Variants in AFG2A observed in about 807,000 individuals in gnomAD.
The protein encoded by AFG2A is AAA ATPase AFG2A.
the AFG2A span, among the ~76,000 whole-genome samples, chr4:123,058,276 G>A: frequency 6.6e-6 from 1 of 152,198 alleles, no homozygotes; most frequent in Non-Finnish European, 1.5e-5. Flanking sequence ...CATCTCTTAG[G>A]TGGTGACAGG....
At chr4:123,033,887 G>T in the AFG2A span, among the ~76,000 whole-genome samples, 1 of 151,994 alleles carries the variant, frequency 6.6e-6, no homozygotes, top group Admixed American at 6.6e-5. Flanking sequence ...AAAGTTTTTG[G>T]GGGGCATAAC....
At chr4:123,218,251 T>C in the AFG2A span, among the ~76,000 whole-genome samples, 18 of 152,310 alleles carry the variant, frequency 1.2e-4, no homozygotes, top group Admixed American at 2.6e-4. Flanking sequence ...CTGGCTTATG[T>C]GCAGGCAAAA....
At chr4:123,001,171 T>C in the AFG2A span, among the ~76,000 whole-genome samples, 15 of 148,422 alleles carry the variant, frequency 1.0e-4, no homozygotes, top group Non-Finnish European at 1.5e-4. Context: ...CATTTTTTAT[T>C]GCGTTTATTT....
At chr4:123,285,549 A>G in the AFG2A span, among the ~76,000 whole-genome samples, 4 of 152,106 alleles carry the variant, frequency 2.6e-5, no homozygotes, top group African/African-American at 9.7e-5. Context: ...ATGAGAGTGT[A>G]CCTTAGTGTG....
the AFG2A span, among the ~76,000 whole-genome samples, chr4:123,137,162 A>T: frequency 6.6e-6 from 1 of 152,146 alleles, no homozygotes; most frequent in Non-Finnish European, 1.5e-5. Context: ...TCTGCTGCTC[A>T]CCTTCTGCTG....
chr4:122,999,068 G>A, the AFG2A span, among the ~76,000 whole-genome samples: 182 of 149,852 alleles, frequency 1.2e-3, no homozygotes, highest in African/African-American at 4.1e-3. Flanking sequence ...GCCAGTGATG[G>A]TGAGCATTTT....
the AFG2A span, among the ~76,000 whole-genome samples, chr4:123,043,494 A>G: frequency 6.6e-6 from 1 of 152,188 alleles, no homozygotes; most frequent in Non-Finnish European, 1.5e-5. Flanking sequence ...AATGGAATTA[A>G]AAGATAAAAA....
the AFG2A span, among the ~76,000 whole-genome samples, chr4:122,950,322 G>A: frequency 1.3e-5 from 2 of 150,958 alleles, no homozygotes; most frequent in African/African-American, 4.9e-5. Context: ...GGTAAAGTAC[G>A]AGCCCTAGTC....
At chr4:123,076,566 T>C in the AFG2A span, among the ~76,000 whole-genome samples, 1 of 151,580 alleles carries the variant, frequency 6.6e-6, no homozygotes, top group Admixed American at 6.6e-5. Context: ...TATTTGTTTT[T>C]TTTAGAGATG....
At chr4:123,051,805 T>C in the AFG2A span, among the ~76,000 whole-genome samples, 1 of 152,130 alleles carries the variant, frequency 6.6e-6, no homozygotes, top group Non-Finnish European at 1.5e-5. Context: ...AAAATTCTGC[T>C]GCCAAGTGTA....
chr4:123,114,700 GCT>G, the AFG2A span, among the ~76,000 whole-genome samples: 6 of 152,228 alleles, frequency 3.9e-5, no homozygotes, highest in Non-Finnish European at 7.3e-5. Context: ...TGCCTGGGGA[GCT>G]CTCACCCTAC....
chr4:123,314,741 TTTG>T, the AFG2A span: 2 of 144,148 alleles, frequency 1.4e-5, no homozygotes, highest in Non-Finnish European at 1.5e-5. Context: ...TTGGGTTTTT[TTTG>T]TTGTTGTTTT....
At chr4:123,137,823 G>T in the AFG2A span, among the ~76,000 whole-genome samples, 1 of 151,834 alleles carries the variant, frequency 6.6e-6, no homozygotes, top group Non-Finnish European at 1.5e-5. Context: ...TCATTTACTG[G>T]CATTTTAAAA....
chr4:123,067,317 G>C, the AFG2A span, among the ~76,000 whole-genome samples: 1 of 151,912 alleles, frequency 6.6e-6, no homozygotes, highest in Non-Finnish European at 1.5e-5. Context: ...AGGAGATCCA[G>C]ACCATCCTGG....
the AFG2A span, chr4:122,935,796 A>G: frequency 6.2e-7 from 1 of 1,613,154 alleles, no homozygotes; most frequent in Non-Finnish European, 8.5e-7. Flanking sequence ...TTGCTAATGA[A>G]GTTGGAGCCT....
At chr4:123,144,946 A>T in the AFG2A span, among the ~76,000 whole-genome samples, 2 of 152,064 alleles carry the variant, frequency 1.3e-5, no homozygotes, top group Admixed American at 1.3e-4. Context: ...TTATTTTCCT[A>T]AGACAATAAT....
the AFG2A span, among the ~76,000 whole-genome samples, chr4:123,112,759 C>G: frequency 6.6e-6 from 1 of 152,056 alleles, no homozygotes; most frequent in Non-Finnish European, 1.5e-5. Flanking sequence ...TCCACAGGCA[C>G]AGAAGCTCTG....
chr4:122,944,625 C>T, the AFG2A span, among the ~76,000 whole-genome samples: 2 of 152,190 alleles, frequency 1.3e-5, no homozygotes, highest in South Asian at 2.1e-4. Flanking sequence ...TGAAGCCTTC[C>T]TCTCTCAACT....
chr4:122,960,565 C>T, the AFG2A span, among the ~76,000 whole-genome samples: 2 of 152,162 alleles, frequency 1.3e-5, no homozygotes, highest in Non-Finnish European at 2.9e-5. Context: ...CTTTAGCATC[C>T]TTGTTAATTA....
Sources: allele counts gnomAD v4.1 joint callset (sites outside exome capture counted in the v4.1 genomes callset), GRCh38; gene constraint gnomAD v4.1.1; transcripts MANE v1.5; gene names NCBI Gene and HGNC (gene_info 2026-07-23, HGNC 2026-07-21).